Variants in TMC1 observed in about 807,000 individuals in gnomAD.
TMC1 encodes transmembrane channel-like protein 1.
A neutral mutation model predicts 105.8 loss-of-function variants in TMC1; 84 were observed. The observed-to-expected ratio is 0.79, with a 90% CI of 0.67 to 0.95. The LOEUF is 0.95. TMC1 is among the 40% of genes least tolerant of loss of function. The probability of loss-of-function intolerance (pLI) is 0.00; values close to 1 mark genes in which losing one functional copy is unlikely to be tolerated. For missense variants in TMC1, 817 were observed against 914.1 expected (o/e 0.89, Z 1.37); for synonymous variants, 315 against 311.5 (o/e 1.01, Z -0.12).
intron 5 of TMC1, among the ~76,000 whole-genome samples, chr9:72,658,935 A>G (rs1234472324): frequency 6.6e-6 from 1 of 152,238 alleles, no homozygotes; most frequent in Non-Finnish European, 1.5e-5. Flanking sequence ...CACAGATGCT[A>G]GCACAAGGGC....
chr9:72,532,086 C>A (rs1823506124), intron 1 of TMC1, among the ~76,000 whole-genome samples: 2 of 152,174 alleles, frequency 1.3e-5, no homozygotes, highest in Middle Eastern at 3.4e-3. Context: ...CATCCACCAG[C>A]ATGCCCGGCT....
chr9:72,601,606 C>T (rs972634600), intron 2 of TMC1, among the ~76,000 whole-genome samples: 1 of 152,136 alleles, frequency 6.6e-6, no homozygotes, highest in African/African-American at 2.4e-5. Flanking sequence ...GATCGTGCTC[C>T]TGCACTCCAG....
At chr9:72,795,376 A>T (rs1828347060) in intron 17 of TMC1, among the ~76,000 whole-genome samples, 1 of 152,198 alleles carries the variant, frequency 6.6e-6, no homozygotes, top group Non-Finnish European at 1.5e-5. Flanking sequence ...AAATGAAAAA[A>T]TGTTAAAGAC....
At chr9:72,806,738 G>A (rs1220755820) in intron 18 of TMC1, among the ~76,000 whole-genome samples, 3 of 151,216 alleles carry the variant, frequency 2.0e-5, no homozygotes, top group Non-Finnish European at 1.5e-5. Context: ...TCACTTCCTA[G>A]GTGGGATGGC....
At chr9:72,618,022 CTTTTT>C (rs34497983) in intron 3 of TMC1, among the ~76,000 whole-genome samples, 1 of 79,202 alleles carries the variant, frequency 1.3e-5, no homozygotes, top group African/African-American at 5.2e-5. Flanking sequence ...CTGGGTACAT[CTTTTT>C]TTTTTTTTTT....
chr9:72,630,347 G>A (rs748281779), intron 4 of TMC1, among the ~76,000 whole-genome samples: 2 of 152,110 alleles, frequency 1.3e-5, no homozygotes, highest in African/African-American at 4.8e-5. Flanking sequence ...AACAAGATGC[G>A]ATAAGCATAT....
chr9:72,571,901 A>T (rs1014976034), intron 1 of TMC1, among the ~76,000 whole-genome samples: 2 of 151,694 alleles, frequency 1.3e-5, no homozygotes, highest in African/African-American at 4.8e-5. Flanking sequence ...CAATGGCGTA[A>T]TCTCGGCTCA....
rs182821567 is a variant in TMC1 at position 72,771,394 on chromosome 9, C to T, written c.742-1019C>T. Among the ~76,000 whole-genome samples, 416 of 152,306 alleles carry T rather than the reference C, an allele frequency of 2.7e-3. 1 individual carries two copies. Among genetic ancestry groups the T allele is most frequent in the African/African-American group, 9.7e-3 (404 of 41,564 alleles). The stretch of plus-strand genomic sequence containing the variant: ...TTCCTCTAGGAATTAGCATCTACGA[C>T]ATTTCTACTTTCTTTTCCACACCTC... On this transcript the variant is annotated intron_variant, in intron 12 of 23. Coordinates refer to ENST00000297784, the MANE Select transcript of TMC1 (RefSeq NM_138691.3).
chr9:72,754,974 C>G, intron 12 of TMC1, 90 bp downstream of exon 12: 1 of 755,840 alleles, frequency 1.3e-6, no homozygotes, highest in Non-Finnish European at 2.2e-6. Flanking sequence ...TCTCCTGGGT[C>G]AGGCTGAATG....
intron 8 of TMC1, among the ~76,000 whole-genome samples, chr9:72,707,065 A>G (rs1826754985): frequency 6.6e-6 from 1 of 152,124 alleles, no homozygotes; most frequent in Non-Finnish European, 1.5e-5. Flanking sequence ...GTAAGCCACC[A>G]TGCCAGGCCC....
rs571429276 is a variant in TMC1 at position 72,645,653 on chromosome 9, C to T, written c.-52-2944C>T. ...AAAGCCTCACCACAGAGTCCTTCTC[C>T]ACCATGACAATGTTCCTGTTCATTG... On this transcript the variant is annotated intron_variant, in intron 4 of 23. Transcript: ENST00000297784. 1.9e-4 allele frequency among the ~76,000 whole-genome samples: 29 copies of T among 152,302 alleles called. No homozygotes were observed. The South Asian group carries it at 6.0e-3, about 32-fold the overall frequency.
At chr9:72,768,501 C>CA (rs1827873885) in intron 12 of TMC1, among the ~76,000 whole-genome samples, 1 of 152,054 alleles carries the variant, frequency 6.6e-6, no homozygotes, top group Non-Finnish European at 1.5e-5. Context: ...AATAAATAAA[C>CA]AAAAACTGTG....
intron 19 of TMC1, 62 bp downstream of exon 19, chr9:72,816,272 C>T (rs1828786843): frequency 8.8e-6 from 13 of 1,482,052 alleles, no homozygotes; most frequent in Middle Eastern, 3.4e-4. Flanking sequence ...TTTTTGCATA[C>T]AGCATTGAAT....
chr9:72,736,262 A>G (rs1470929550), intron 8 of TMC1, among the ~76,000 whole-genome samples: 2 of 152,254 alleles, frequency 1.3e-5, no homozygotes, highest in African/African-American at 4.8e-5. Flanking sequence ...AATGATATTT[A>G]TAACATCTGA....
At chr9:72,578,453 A>G (rs1036770948) in intron 2 of TMC1, 2 of 152,202 alleles carry the variant, frequency 1.3e-5, no homozygotes, top group Non-Finnish European at 2.9e-5. Context: ...CAAGCAATGA[A>G]TCTGAAAGCC....
At chr9:72,532,167 G>A (rs1355194766) in intron 1 of TMC1, among the ~76,000 whole-genome samples, 2 of 152,000 alleles carry the variant, frequency 1.3e-5, no homozygotes, top group Admixed American at 6.6e-5. Flanking sequence ...CTAACCTCAG[G>A]TTATCTGCCT....
At chr9:72,667,374 G>A (rs1369503760) in intron 5 of TMC1, among the ~76,000 whole-genome samples, 1 of 151,994 alleles carries the variant, frequency 6.6e-6, no homozygotes, top group Non-Finnish European at 1.5e-5. Context: ...CCTTCTTCCT[G>A]GTTGCCAGCT....
chr9:72,685,270 A>C (rs1294691429), intron 5 of TMC1, among the ~76,000 whole-genome samples: 80 of 138,710 alleles, frequency 5.8e-4, no homozygotes, highest in African/African-American at 2.0e-3. Context: ...CCACACCCGG[A>C]TAATTTTTTA....
chr9:72,761,501 T>C (rs1385277260), intron 12 of TMC1, among the ~76,000 whole-genome samples: 1 of 152,170 alleles, frequency 6.6e-6, no homozygotes, highest in Non-Finnish European at 1.5e-5. Context: ...CTGATTATCA[T>C]AGATGTGGGA....
Sources: gnomAD v4.1 joint callset for allele counts (sites outside exome capture counted in the v4.1 genomes callset) on GRCh38, gnomAD v4.1.1 for gene constraint, MANE v1.5 for transcripts, NCBI Gene and HGNC (gene_info 2026-07-23, HGNC 2026-07-21) for gene names.